Variants in PRLR observed in about 807,000 individuals in gnomAD.
PRLR encodes hPRL receptor.
PRLR carries 13 observed loss-of-function variants against 40.2 expected under a neutral mutation model. That is an observed-to-expected ratio of 0.32 (90% CI 0.21 to 0.51). The LOEUF is 0.51. Among genes scored for constraint, PRLR ranks in the 20% least tolerant of loss-of-function variants. PRLR has a pLI of 0.97. For synonymous variants in PRLR, 269 were observed against 278.7 expected, an observed-to-expected ratio of 0.97 and a Z score of 0.35; for missense variants, 656 against 747.3, an observed-to-expected ratio of 0.88 and a Z score of 1.42.
chr5:35,126,623 C>G (rs1773478430), intron 1 of PRLR, among the ~76,000 whole-genome samples: 1 of 152,098 alleles, frequency 6.6e-6, no homozygotes, highest in South Asian at 2.1e-4. Context: ...ACGACTTGTG[C>G]CACTATCTAG....
chr5:35,057,218 A>C lies in PRLR; in HGVS notation c.*7871T>G, dbSNP rs1273045714. 6.6e-6 allele frequency: 1 copy of C among 152,086 alleles called. No homozygotes were observed. The highest frequency in any genetic ancestry group is 2.4e-5 in the African/African-American group (1 of 41,428). 9.4% of individuals were successfully genotyped at this position (152,086 alleles called of 1,614,324 possible). Reference sequence around the variant, plus strand: ...CCATGTTATAGGGATGAGGTAAAGGAGGGAAATTTTGTCTTGCAATCATAG... The same window carrying C: ...CCATGTTATAGGGATGAGGTAAAGGCGGGAAATTTTGTCTTGCAATCATAG... On this transcript the variant is annotated 3_prime_UTR_variant, in exon 10 of 10. Coordinates refer to ENST00000618457, the MANE Select transcript of PRLR (RefSeq NM_000949.7).
chr5:35,072,863 A>G, intron 5 of PRLR, 119 bp from the exon 6 acceptor site: 1 of 1,172,330 alleles, frequency 8.5e-7, no homozygotes, highest in Non-Finnish European at 1.2e-6. Context: ...ACTGTACTAT[A>G]AGCCCCCCAA....
intron 1 of PRLR, among the ~76,000 whole-genome samples, chr5:35,137,837 G>A (rs1050700254): frequency 2.6e-5 from 4 of 152,098 alleles, no homozygotes; most frequent in Admixed American, 6.5e-5. Flanking sequence ...GCTTGAACTC[G>A]GGAAGCAGAT....
intron 1 of PRLR, among the ~76,000 whole-genome samples, chr5:35,198,492 G>C (rs1177112472): frequency 6.6e-6 from 1 of 152,150 alleles, no homozygotes; most frequent in Non-Finnish European, 1.5e-5. Context: ...CTGGATATTG[G>C]CATTTCCAGT....
intron 1 of PRLR, among the ~76,000 whole-genome samples, chr5:35,212,167 C>A (rs1776185859): frequency 6.6e-6 from 1 of 152,188 alleles, no homozygotes; most frequent in Non-Finnish European, 1.5e-5. Flanking sequence ...CGTAGGTATA[C>A]AATTGGCCAG....
At chr5:35,169,006 A>T (rs1461716438) in intron 1 of PRLR, among the ~76,000 whole-genome samples, 1 of 152,186 alleles carries the variant, frequency 6.6e-6, no homozygotes. Flanking sequence ...GGGCAGAGGA[A>T]ATACTTTTCT....
chr5:35,197,771 T>C (rs979460791), intron 1 of PRLR, among the ~76,000 whole-genome samples: 2 of 152,226 alleles, frequency 1.3e-5, no homozygotes, highest in Admixed American at 6.5e-5. Flanking sequence ...TGCACCTCAG[T>C]ATAGTCGCTG....
At chr5:35,100,162 C>A (rs548449934) in intron 2 of PRLR, among the ~76,000 whole-genome samples, 9 of 132,546 alleles carry the variant, frequency 6.8e-5, no homozygotes, top group Admixed American at 4.3e-4. Context: ...GCAGCCTGGG[C>A]GACAGGGCGA....
intron 1 of PRLR, among the ~76,000 whole-genome samples, chr5:35,180,510 A>G (rs1037718608): frequency 6.6e-6 from 1 of 152,134 alleles, no homozygotes; most frequent in Non-Finnish European, 1.5e-5. Context: ...CAGAAGCTGA[A>G]CAGATGCCAG....
chr5:35,165,272 CG>C (rs1774791060), intron 1 of PRLR, among the ~76,000 whole-genome samples: 1 of 152,080 alleles, frequency 6.6e-6, no homozygotes, highest in African/African-American at 2.4e-5. Context: ...GAACTCAAAG[CG>C]GGTAAAAACA....
intron 1 of PRLR, among the ~76,000 whole-genome samples, chr5:35,161,726 T>G (rs1774680333): frequency 6.6e-6 from 1 of 152,240 alleles, no homozygotes; most frequent in Non-Finnish European, 1.5e-5. Context: ...GAGGGTAGTG[T>G]TGGCTTGCAT....
intron 2 of PRLR, among the ~76,000 whole-genome samples, chr5:35,097,906 A>T (rs925318829): frequency 6.6e-6 from 1 of 152,158 alleles, no homozygotes; most frequent in African/African-American, 2.4e-5. Flanking sequence ...CCTGAGCTCA[A>T]GCTGAGAGGG....
At chr5:35,194,279 T>G (rs1417466039) in intron 1 of PRLR, among the ~76,000 whole-genome samples, 1 of 152,180 alleles carries the variant, frequency 6.6e-6, no homozygotes, top group Non-Finnish European at 1.5e-5. Flanking sequence ...CCTGCCCTCA[T>G]GACCTCATGA....
chr5:35,137,859 C>T (rs1474761186), intron 1 of PRLR, among the ~76,000 whole-genome samples: 1 of 152,128 alleles, frequency 6.6e-6, no homozygotes, highest in African/African-American at 2.4e-5. Flanking sequence ...CGCTTGAACC[C>T]GGGAAGCAGA....
At chr5:35,126,713 T>G (rs1047061096) in intron 1 of PRLR, among the ~76,000 whole-genome samples, 4 of 152,172 alleles carry the variant, frequency 2.6e-5, no homozygotes, top group African/African-American at 9.7e-5. Flanking sequence ...TATTGCTACC[T>G]TTTGCTACCT....
intron 1 of PRLR, among the ~76,000 whole-genome samples, chr5:35,210,481 AT>A (rs1283381425): frequency 6.6e-6 from 1 of 152,240 alleles, no homozygotes; most frequent in Non-Finnish European, 1.5e-5. Context: ...CAGTAAATTC[AT>A]GCAAACTTTT....
At chr5:35,072,516 T>C in intron 6 of PRLR, 59 bp downstream of exon 6, 1 of 1,537,806 alleles carries the variant, frequency 6.5e-7, no homozygotes, top group Non-Finnish European at 8.8e-7. Flanking sequence ...TTTTCAGTTG[T>C]GAGGGCTTTA....
chr5:35,126,555 G>T (rs1030268185), intron 1 of PRLR, among the ~76,000 whole-genome samples: 1 of 152,058 alleles, frequency 6.6e-6, no homozygotes, highest in Non-Finnish European at 1.5e-5. Context: ...TTACATATAG[G>T]CAGCATGGTT....
At chr5:35,088,301 T>A (rs549717480) in intron 3 of PRLR, among the ~76,000 whole-genome samples, 1 of 152,334 alleles carries the variant, frequency 6.6e-6, no homozygotes, top group East Asian at 1.9e-4. Context: ...TTATTCAGGA[T>A]AATGTGTTGC....
Sources: gnomAD v4.1 joint callset for allele counts (sites outside exome capture counted in the v4.1 genomes callset) on GRCh38, gnomAD v4.1.1 for gene constraint, MANE v1.5 for transcripts, NCBI Gene and HGNC (gene_info 2026-07-23, HGNC 2026-07-21) for gene names.